FMNL2: variants seen among roughly 807,000 people sequenced by gnomAD.
FMNL2 encodes the protein formin-like protein 2.
A neutral mutation model predicts 130.2 loss-of-function variants in FMNL2; 51 were observed. The ratio of observed to expected loss-of-function variants is 0.39; its 90% confidence interval spans 0.31 to 0.49. The LOEUF (loss-of-function observed/expected upper bound fraction) is 0.49. Ranked by LOEUF, FMNL2 falls within the 20% of genes least tolerant of loss-of-function variation. The pLI is 0.85. For synonymous variants in FMNL2, 465 were observed against 467.1 expected (o/e 1.00, Z 0.06); for missense variants, 977 against 1,316.2 (o/e 0.74, Z 3.99).
At position 152,551,022 on chromosome 2, in the gene FMNL2, C is replaced by T. The variant is rs1303668554; in HGVS notation, c.359+1925C>T. On this transcript the variant is annotated intron_variant, in intron 4 of 25. Transcript: ENST00000288670. Reference sequence around the variant, plus strand: ...GGCATGGTGGTGCGTGCTTGTAGTCCCAGCTGCTTGGGAGGCTGAGGCAGG... The same window carrying T: ...GGCATGGTGGTGCGTGCTTGTAGTCTCAGCTGCTTGGGAGGCTGAGGCAGG... 4.0e-5 allele frequency among the ~76,000 whole-genome samples: 6 copies of T among 151,596 alleles called. 1 individual carries two copies. The highest frequency in any genetic ancestry group is 1.5e-4 in the African/African-American group (6 of 41,212).
In FMNL2 at chr2:152,619,509, T is replaced by A. The variant is rs910878698; in HGVS notation, c.1628T>A (p.Val543Glu). Reference protein sequence around the residue: ...LPPSSDTPETVQNGPVTPPMP... With the variant: ...LPPSSDTPETEQNGPVTPPMP... The stretch of plus-strand genomic sequence containing the variant: ...CATCTGTTTCTTTTTTCTTTGCTAG[T>A]GCAAAATGGTCCAGTAACACCACCT... The change falls in exon 15 of 26, where the codon GTG (valine) becomes GAG (glutamate). Residue 543 changes from valine (V) to glutamate (E), a missense_variant and splice_region_variant. Val to Glu is a moderately radical substitution (Grantham distance 121). Coordinates refer to ENST00000288670, the MANE Select transcript of FMNL2 (RefSeq NM_052905.4). 1 of 1,549,486 alleles carries A rather than the reference T, an allele frequency of 6.5e-7. No homozygotes were observed. The highest frequency in any genetic ancestry group is 8.7e-7 in the Non-Finnish European group (1 of 1,146,768).
chr2:152,586,322 A>G (rs571760991), intron 9 of FMNL2, among the ~76,000 whole-genome samples: 16 of 152,288 alleles, frequency 1.1e-4, no homozygotes, highest in Admixed American at 7.2e-4. Flanking sequence ...AAGGCTTCCT[A>G]AGAAAGCTGA....
At chr2:152,432,088 T>A (rs1687525131) in intron 1 of FMNL2, among the ~76,000 whole-genome samples, 1 of 151,926 alleles carries the variant, frequency 6.6e-6, no homozygotes, top group African/African-American at 2.4e-5. Flanking sequence ...ACATACAATT[T>A]TATGAAATGT....
In FMNL2 at chr2:152,553,540, ATT is replaced by A. The variant is rs568985282; in HGVS notation, c.359+4458_359+4459del. Among the ~76,000 whole-genome samples the A allele has an allele frequency of 5.0e-3, 631 of 126,286 alleles. 4 individuals carry two copies. Among genetic ancestry groups the A allele is most frequent in the African/African-American group, 0.017 (582 of 34,384 alleles). 82.8% of individuals were successfully genotyped at this position (126,286 alleles called of 152,430 possible). On this transcript the variant is annotated intron_variant, in intron 4 of 25. Coordinates refer to ENST00000288670, the MANE Select transcript of FMNL2 (RefSeq NM_052905.4). ...TTATTACTAAACCAGCAATTCTCAC[ATT>A]TTTTTTTTTTTTTTGGTTTTAGAGT...
chr2:152,479,262 T>G (rs1323535612), intron 1 of FMNL2, among the ~76,000 whole-genome samples: 2 of 152,072 alleles, frequency 1.3e-5, no homozygotes, highest in African/African-American at 4.8e-5. Context: ...CTGCCTCAGC[T>G]TCCTGAGTAA....
chr2:152,375,850 G>GCTCTCTCT (rs71394477), intron 1 of FMNL2, among the ~76,000 whole-genome samples: 2,063 of 100,396 alleles, frequency 0.021, 43 homozygotes, highest in African/African-American at 0.05. Context: ...AGCCATTGAA[G>GCTCTCTCT]CTCTCTCTCT....
chr2:152,559,806 T>G (rs144763961), intron 5 of FMNL2, among the ~76,000 whole-genome samples: 131 of 152,284 alleles, frequency 8.6e-4, no homozygotes, highest in Non-Finnish European at 1.4e-3. Flanking sequence ...AGTTAAAATT[T>G]TATTAGATTA....
At chr2:152,522,658 T>C (rs1376859549) in intron 2 of FMNL2, among the ~76,000 whole-genome samples, 1 of 152,204 alleles carries the variant, frequency 6.6e-6, no homozygotes, top group Non-Finnish European at 1.5e-5. Flanking sequence ...AACTCTTTGC[T>C]CTTTTCTGCC....
chr2:152,519,773 C>G (rs1692980089), intron 1 of FMNL2, among the ~76,000 whole-genome samples: 1 of 152,186 alleles, frequency 6.6e-6, no homozygotes, highest in Non-Finnish European at 1.5e-5. Context: ...ATTACATATG[C>G]AAAGTGTTGA....
chr2:152,396,074 G>GT (rs367656169), intron 1 of FMNL2, among the ~76,000 whole-genome samples: 2 of 152,306 alleles, frequency 1.3e-5, no homozygotes, highest in African/African-American at 2.4e-5. Flanking sequence ...TTCTGTAAAT[G>GT]TAAGTCTTGT....
chr2:152,450,266 G>C (rs930583056), intron 1 of FMNL2, among the ~76,000 whole-genome samples: 1 of 152,062 alleles, frequency 6.6e-6, no homozygotes, highest in Non-Finnish European at 1.5e-5. Context: ...TAATAAGAAA[G>C]AGGCAAGACA....
intron 1 of FMNL2, among the ~76,000 whole-genome samples, chr2:152,473,849 C>T (rs1048909137): frequency 6.6e-6 from 1 of 151,982 alleles, no homozygotes; most frequent in South Asian, 2.1e-4. Flanking sequence ...AATTTTCTGC[C>T]CCTTGGAGTT....
chr2:152,552,004 TA>T (rs916474479), intron 4 of FMNL2, among the ~76,000 whole-genome samples: 4 of 152,294 alleles, frequency 2.6e-5, no homozygotes, highest in African/African-American at 9.6e-5. Context: ...TCTCTAAAAA[TA>T]AAAAATCGGT....
intron 1 of FMNL2, among the ~76,000 whole-genome samples, chr2:152,479,718 G>GTTTTTTTTTTTTTTTTTTTTTT: frequency 1.0e-5 from 1 of 96,736 alleles, no homozygotes; most frequent in Non-Finnish European, 2.1e-5. Context: ...GTTGTGGGTT[G>GTTTTTTTTTTTTTTTTTTTTTT]TTTTTTTTTT....
intron 1 of FMNL2, among the ~76,000 whole-genome samples, chr2:152,493,905 G>C (rs1432615602): frequency 1.3e-5 from 2 of 152,230 alleles, no homozygotes; most frequent in African/African-American, 4.8e-5. Context: ...GATAGCCAGT[G>C]TTTAGGACCC....
At chr2:152,352,294 T>C (rs935816996) in intron 1 of FMNL2, among the ~76,000 whole-genome samples, 7 of 152,174 alleles carry the variant, frequency 4.6e-5, no homozygotes, top group African/African-American at 1.4e-4. Flanking sequence ...TCAGTAAACA[T>C]GAATGGTAGC....
At chr2:152,351,712 T>A (rs1682497169) in intron 1 of FMNL2, among the ~76,000 whole-genome samples, 1 of 152,200 alleles carries the variant, frequency 6.6e-6, no homozygotes, top group Non-Finnish European at 1.5e-5. Context: ...TTTGGGTATA[T>A]ACCCATAATG....
chr2:152,366,947 T>G (rs772304796), intron 1 of FMNL2, among the ~76,000 whole-genome samples: 9 of 152,282 alleles, frequency 5.9e-5, no homozygotes, highest in Admixed American at 1.3e-4. Flanking sequence ...ATTGCACCAC[T>G]GTATTCCAGC....
At chr2:152,471,270 C>T (rs1579744884) in intron 1 of FMNL2, among the ~76,000 whole-genome samples, 3 of 152,230 alleles carry the variant, frequency 2.0e-5, no homozygotes, top group Admixed American at 2.0e-4. Context: ...AGTTTAACTC[C>T]TAGGTAATTT....
Sources: gnomAD v4.1 joint callset for allele counts (sites outside exome capture counted in the v4.1 genomes callset) on GRCh38, gnomAD v4.1.1 for gene constraint, MANE v1.5 for transcripts, NCBI Gene and HGNC (gene_info 2026-07-23, HGNC 2026-07-21) for gene names.